PRMT8: variants seen among roughly 807,000 people sequenced by gnomAD.
PRMT8 encodes the protein protein arginine methyltransferase 8, also known as protein arginine N-methyltransferase 8.
In PRMT8, 7 loss-of-function variants were observed where a neutral mutation model predicts 47.1. That is an observed-to-expected ratio of 0.15 (90% CI 0.08 to 0.28). The LOEUF is 0.28. Ranked by LOEUF, PRMT8 falls within the 10% of genes least tolerant of loss-of-function variation. The pLI, the probability that PRMT8 is intolerant of heterozygous loss-of-function variation, is 1.00. For missense variants in PRMT8, 237 were observed against 505.4 expected (o/e 0.47, Z 5.09); for synonymous variants, 188 against 186.5 (o/e 1.01, Z -0.07).
Position 3,568,964 on chromosome 12 carries a change from C to T in PRMT8, c.624+116C>T. The T allele has an allele frequency of 5.1e-6, 7 of 1,384,624 alleles. No homozygotes were observed. In the South Asian group the frequency reaches 9.4e-5, roughly 19 times the overall value. The allele number at this position is 1,384,624 out of a possible 1,614,324, so 85.8% of individuals were successfully genotyped here. On this transcript the variant is annotated intron_variant, in intron 5 of 9. Transcript: ENST00000382622. ...TCAGAGAAGACTGAGGCCAGGAGGT[C>T]ACTGCCCCAAGCCCCTCTCTCTAGA... is the stretch of plus-strand genomic sequence containing the variant.
Position 3,553,663 on chromosome 12 carries a change from A to G in PRMT8, c.430A>G (p.Ser144Gly). Residue 144 changes from serine (S) to glycine (G), a missense_variant, in exon 4 of 10, where the codon AGT becomes GGT. Around this residue, in one of 5 missense-constraint regions of PRMT8, gnomAD observed 151 missense variants for 341.1 expected, o/e 0.44. Coordinates refer to ENST00000382622, the MANE Select transcript of PRMT8 (RefSeq NM_019854.5). ...AKKVFGIECS[S>G]ISDYSEKIIK... ...ATGCCCTTTCCAGATCGAATGCTCC[A>G]GTATTTCTGACTACTCAGAGAAGAT... 6.2e-7 allele frequency: 1 copy of G among 1,606,986 alleles called. No individual in the cohort carries two copies. The highest frequency in any genetic ancestry group is 8.5e-7 in the Non-Finnish European group (1 of 1,173,512).
chr12:3,454,364 GCCA>G (rs1864951889), intron 1 of PRMT8, among the ~76,000 whole-genome samples: 1 of 152,154 alleles, frequency 6.6e-6, no homozygotes, highest in African/African-American at 2.4e-5. Flanking sequence ...AGGGCAGGCA[GCCA>G]CCTGGGCTCC....
chr12:3,461,601 T>C (rs1865041988), intron 1 of PRMT8, among the ~76,000 whole-genome samples: 1 of 152,230 alleles, frequency 6.6e-6, no homozygotes, highest in African/African-American at 2.4e-5. Flanking sequence ...TGGATGGAAC[T>C]GTGTCCTCAG....
At chr12:3,523,649 G>A (rs1417441337) in intron 1 of PRMT8, among the ~76,000 whole-genome samples, 2 of 152,186 alleles carry the variant, frequency 1.3e-5, no homozygotes, top group South Asian at 2.1e-4. Context: ...CGACTGTTAC[G>A]CATGGTCTGC....
At chr12:3,548,173 C>T (rs1263021436) in intron 2 of PRMT8, among the ~76,000 whole-genome samples, 1 of 151,880 alleles carries the variant, frequency 6.6e-6, no homozygotes, top group African/African-American at 2.4e-5. Flanking sequence ...GAGCTCACAC[C>T]CCTAACTTAC....
rs1489748673 is a variant in PRMT8, at chr12:3,540,608, G to A, written c.78G>A (p.Val26=). ...MAENAAESTE[V]NSPPSQPPQP... is the part of the protein sequence containing the mutation. ...CGACCCCCTTCTCTTCCCCTCAGGTGAACAGCCCCCCCTCCCAGCCCCCCC... is the reference window on the plus strand; with the variant it reads ...CGACCCCCTTCTCTTCCCCTCAGGTAAACAGCCCCCCCTCCCAGCCCCCCC... The change falls in exon 2 of 10, where the codon GTG becomes GTA. Residue 26 remains valine, a splice_region_variant and synonymous_variant. Transcript: ENST00000382622. 1 of 1,493,726 alleles carries A rather than the reference G, an allele frequency of 6.7e-7. No homozygotes were observed. The highest frequency in any genetic ancestry group is 1.7e-5 in the Admixed American group (1 of 58,650). 92.5% of individuals were successfully genotyped at this position (1,493,726 alleles called of 1,614,324 possible).
At chr12:3,484,115 T>A (rs1288308318) in intron 1 of PRMT8, among the ~76,000 whole-genome samples, 3 of 152,302 alleles carry the variant, frequency 2.0e-5, no homozygotes, top group Admixed American at 6.5e-5. Flanking sequence ...ACCCCTGAAC[T>A]GATGGCAGGC....
At chr12:3,491,723 G>A (rs746344940) in intron 1 of PRMT8, 23 bp downstream of exon 1, 7 of 1,595,436 alleles carry the variant, frequency 4.4e-6, no homozygotes, top group African/African-American at 1.3e-5. Context: ...GCGAGCAGGG[G>A]CTCTCGGAGA....
At chr12:3,473,790 A>G (rs545648004) in intron 1 of PRMT8, among the ~76,000 whole-genome samples, 1 of 152,102 alleles carries the variant, frequency 6.6e-6, no homozygotes, top group South Asian at 2.1e-4. Context: ...AAATCATCCC[A>G]TGAGCCCCAG....
intron 1 of PRMT8, among the ~76,000 whole-genome samples, chr12:3,525,804 C>T (rs560705262): frequency 6.6e-6 from 1 of 152,252 alleles, no homozygotes; most frequent in East Asian, 1.9e-4. Context: ...AAAATAAATA[C>T]ATTTGTCTAT....
At chr12:3,428,129 C>A (rs1864626129) in intron 1 of PRMT8, among the ~76,000 whole-genome samples, 1 of 152,128 alleles carries the variant, frequency 6.6e-6, no homozygotes, top group African/African-American at 2.4e-5. Context: ...GAAGGGAGTT[C>A]CTCATAGGTC....
In PRMT8 at chr12:3,540,672, C is replaced by T. The variant is rs1459482390; in HGVS notation, c.142C>T (p.His48Tyr). The T allele has an allele frequency of 3.3e-6, 5 of 1,517,642 alleles. No individual in the cohort carries two copies. The highest frequency in any genetic ancestry group is 2.6e-5 in the East Asian group (1 of 37,850). The allele number at this position is 1,517,642 out of a possible 1,614,324, so 94.0% of individuals were successfully genotyped here. Residue 48 changes from histidine to tyrosine, a missense_variant, in exon 2 of 10, where the codon CAT becomes TAT. Physicochemically the swap from His to Tyr is moderately conservative, Grantham distance 83. Around this residue, in one of 5 missense-constraint regions of PRMT8, gnomAD observed 43 missense variants for 32.4 expected, o/e 1.33. Coordinates refer to ENST00000382622, the MANE Select transcript of PRMT8 (RefSeq NM_019854.5). ...TGCTAAGCCCGTGCAATGCGTCCAT[C>T]ATGTGTCCACTCAACCCAGCTGCCC... ...VPAKPVQCVH[H>Y]VSTQPSCPGR...
intron 1 of PRMT8, among the ~76,000 whole-genome samples, chr12:3,520,735 T>C (rs535723780): frequency 1.3e-5 from 2 of 152,306 alleles, no homozygotes; most frequent in Non-Finnish European, 2.9e-5. Context: ...CCCAAATCTG[T>C]AAATTATATG....
chr12:3,458,821 G>T (rs1865005000), intron 1 of PRMT8, among the ~76,000 whole-genome samples: 1 of 152,170 alleles, frequency 6.6e-6, no homozygotes, highest in Non-Finnish European at 1.5e-5. Flanking sequence ...TCCCTTCCGA[G>T]GGCTGTCACT....
chr12:3,492,655 A>G lies in PRMT8; in HGVS notation c.75+955A>G, dbSNP rs73260089. On this transcript the variant is annotated intron_variant, in intron 1 of 9. Transcript: ENST00000382622. The surrounding 1 kb of genome is among the most constrained non-coding windows in gnomAD (Gnocchi z 7.5). ...CTCGCCTCCCTCTGACCCCGCTGTC[A>G]TTACAACAACCGGACTATTCCGTAG... Among the ~76,000 whole-genome samples the G allele has an allele frequency of 0.023, 3,550 of 152,226 alleles. 144 individuals carry two copies. The highest frequency in any genetic ancestry group is 0.08 in the African/African-American group (3,329 of 41,514).
At chr12:3,415,137 A>G (rs1416745926) in intron 1 of PRMT8, among the ~76,000 whole-genome samples, 1 of 152,046 alleles carries the variant, frequency 6.6e-6, no homozygotes, top group African/African-American at 2.4e-5. Context: ...GGAGTGGCTC[A>G]CAGAACTCAG....
At chr12:3,388,727 C>A (rs1864164139) in intron 1 of PRMT8, among the ~76,000 whole-genome samples, 1 of 145,692 alleles carries the variant, frequency 6.9e-6, no homozygotes, top group Non-Finnish European at 1.5e-5. Context: ...GTCTCTAAAG[C>A]CTGTGCTCTA....
intron 1 of PRMT8, among the ~76,000 whole-genome samples, chr12:3,481,646 A>G (rs984228961): frequency 2.0e-5 from 3 of 152,170 alleles, no homozygotes; most frequent in African/African-American, 7.2e-5. Context: ...GTTATGGAGT[A>G]TTGACTGAGG....
chr12:3,419,425 G>A (rs147050605), intron 1 of PRMT8, among the ~76,000 whole-genome samples: 3 of 152,212 alleles, frequency 2.0e-5, no homozygotes, highest in East Asian at 1.9e-4. Flanking sequence ...CTGAGCCCTC[G>A]AACCCTGAAG....
Sources: allele counts gnomAD v4.1 joint callset (sites outside exome capture counted in the v4.1 genomes callset), GRCh38; gene constraint gnomAD v4.1.1; regional missense constraint gnomAD v4.1.1; non-coding constraint Gnocchi (gnomAD v3.1); transcripts MANE v1.5; gene names NCBI Gene and HGNC (gene_info 2026-07-23, HGNC 2026-07-21).